The following DLGAP1 variants were observed in gnomAD, a reference collection of about 807,000 sequenced individuals.
The protein encoded by DLGAP1 is DLG associated protein 1, also known as disks large-associated protein 1.
A neutral mutation model predicts 90.8 loss-of-function variants in DLGAP1; 11 were observed. The observed-to-expected ratio is 0.12, with a 90% CI of 0.08 to 0.20. The LOEUF is 0.20. Ranked by LOEUF, DLGAP1 falls within the 10% of genes least tolerant of loss-of-function variation. DLGAP1 has a pLI of 1.00. For missense variants in DLGAP1, 1,050 were observed against 1,333.8 expected, an observed-to-expected ratio of 0.79 and a Z score of 3.31; for synonymous variants, 558 against 540.7, an observed-to-expected ratio of 1.03 and a Z score of -0.44.
rs143373608 is a variant in DLGAP1, at chr18:4,144,128, C to T, written c.-159+7052G>A. ...TGTGTCAGCTGGTGTCCGACTAGAT[C>T]GTGAGCACGCCAACCCCACTGGCTC... On this transcript the variant is annotated intron_variant, in intron 2 of 12. Transcript: ENST00000315677. Among the ~76,000 whole-genome samples the T allele has an allele frequency of 8.4e-4, 128 of 152,276 alleles. No individual in the cohort carries two copies. The South Asian group carries it at 0.018, about 21-fold the overall frequency.
chr18:3,867,932 G>A (rs191656866), intron 4 of DLGAP1, among the ~76,000 whole-genome samples: 69 of 152,156 alleles, frequency 4.5e-4, no homozygotes, highest in South Asian at 1.0e-3. Flanking sequence ...CAGTGATTGC[G>A]TAACTCAAAT....
At chr18:3,661,961 T>C (rs549132825) in intron 7 of DLGAP1, among the ~76,000 whole-genome samples, 1 of 152,212 alleles carries the variant, frequency 6.6e-6, no homozygotes, top group South Asian at 2.1e-4. Context: ...AAAAGGTAAC[T>C]CTATTAATGT....
At chr18:3,830,746 T>C (rs1438165893) in intron 4 of DLGAP1, among the ~76,000 whole-genome samples, 1 of 152,230 alleles carries the variant, frequency 6.6e-6, no homozygotes, top group Non-Finnish European at 1.5e-5. Context: ...CTGATCACAT[T>C]GTTTTAAAAC....
chr18:4,445,298 C>CTT (rs71160965), intron 1 of DLGAP1, among the ~76,000 whole-genome samples: 2,943 of 148,002 alleles, frequency 0.02, 47 homozygotes, highest in Non-Finnish European at 0.027. Context: ...TACCAATCAT[C>CTT]TTTTTTTTTT....
At chr18:3,859,509 A>T (rs903007481) in intron 4 of DLGAP1, among the ~76,000 whole-genome samples, 4 of 152,136 alleles carry the variant, frequency 2.6e-5, no homozygotes, top group Non-Finnish European at 5.9e-5. Context: ...TGGTCTTGAG[A>T]TGGGGAGATT....
chr18:4,359,303 C>A (rs1442550078), intron 1 of DLGAP1, among the ~76,000 whole-genome samples: 1 of 152,184 alleles, frequency 6.6e-6, no homozygotes, highest in Non-Finnish European at 1.5e-5. Flanking sequence ...ATTTTCTGAT[C>A]TTCCGCTGGA....
intron 1 of DLGAP1, among the ~76,000 whole-genome samples, chr18:4,266,730 G>T (rs1338636908): frequency 1.3e-5 from 2 of 152,180 alleles, no homozygotes; most frequent in Non-Finnish European, 2.9e-5. Flanking sequence ...GTAAATTTCA[G>T]ATGATTACAT....
intron 1 of DLGAP1, among the ~76,000 whole-genome samples, chr18:4,207,326 T>C (rs893943132): frequency 3.9e-5 from 6 of 152,066 alleles, no homozygotes; most frequent in African/African-American, 1.4e-4. Context: ...CCATTAGCTC[T>C]TGTGAGTACT....
intron 3 of DLGAP1, among the ~76,000 whole-genome samples, chr18:3,958,362 A>C (rs879865659): frequency 4.0e-5 from 6 of 151,594 alleles, no homozygotes; most frequent in Non-Finnish European, 7.4e-5. Context: ...TTATGTATGC[A>C]TGATAAGGAG....
At chr18:3,521,294 C>T (rs1448339367) in intron 10 of DLGAP1, among the ~76,000 whole-genome samples, 6 of 152,144 alleles carry the variant, frequency 3.9e-5, no homozygotes. Context: ...ATTAAGGGAA[C>T]TATAGGGTTT....
At chr18:4,366,997 T>C (rs1256779040) in intron 1 of DLGAP1, among the ~76,000 whole-genome samples, 2 of 91,434 alleles carry the variant, frequency 2.2e-5, no homozygotes, top group African/African-American at 8.8e-5. Context: ...TACGGCTCTG[T>C]CAATGGCAAA....
At chr18:4,341,312 T>TCG (rs2081183005) in intron 1 of DLGAP1, among the ~76,000 whole-genome samples, 1 of 152,020 alleles carries the variant, frequency 6.6e-6, no homozygotes, top group African/African-American at 2.4e-5. Flanking sequence ...AAAACAAAAA[T>TCG]CGCTTATGTA....
intron 2 of DLGAP1, among the ~76,000 whole-genome samples, chr18:4,023,673 C>G (rs1241669374): frequency 6.6e-6 from 1 of 152,082 alleles, no homozygotes; most frequent in Non-Finnish European, 1.5e-5. Flanking sequence ...TGTGTTCCCA[C>G]TCACCTTAAA....
At chr18:3,678,273 G>A (rs530290531) in intron 7 of DLGAP1, among the ~76,000 whole-genome samples, 2 of 152,122 alleles carry the variant, frequency 1.3e-5, no homozygotes, top group African/African-American at 4.8e-5. Context: ...ACTTGCTCTT[G>A]TTTTAACATA....
intron 10 of DLGAP1, among the ~76,000 whole-genome samples, chr18:3,520,985 G>A (rs1465592908): frequency 6.6e-6 from 1 of 152,126 alleles, no homozygotes; most frequent in Non-Finnish European, 1.5e-5. Context: ...TGCCTTCCCT[G>A]TGCTTGGTAG....
At chr18:4,433,307 C>T (rs901426723) in intron 1 of DLGAP1, among the ~76,000 whole-genome samples, 1 of 152,202 alleles carries the variant, frequency 6.6e-6, no homozygotes, top group Non-Finnish European at 1.5e-5. Flanking sequence ...AACATTTTCT[C>T]TTCCAGCTTA....
chr18:3,672,577 C>CAAAAAA (rs60316690), intron 7 of DLGAP1, among the ~76,000 whole-genome samples: 5 of 39,574 alleles, frequency 1.3e-4, no homozygotes, highest in Non-Finnish European at 2.2e-4. Flanking sequence ...AACTCTATCT[C>CAAAAAA]AAAAAAAAAA....
intron 1 of DLGAP1, among the ~76,000 whole-genome samples, chr18:4,407,063 A>C (rs999009568): frequency 1.3e-5 from 2 of 152,170 alleles, no homozygotes; most frequent in African/African-American, 4.8e-5. Context: ...GAACCATGAA[A>C]TCTATTTACT....
At chr18:3,600,360 A>G (rs1049688181) in intron 7 of DLGAP1, among the ~76,000 whole-genome samples, 3 of 151,744 alleles carry the variant, frequency 2.0e-5, no homozygotes, top group African/African-American at 4.8e-5. Flanking sequence ...GGTTCAAGCA[A>G]TTCTCCTGCC....
Sources: allele counts gnomAD v4.1 joint callset (sites outside exome capture counted in the v4.1 genomes callset), GRCh38; gene constraint gnomAD v4.1.1; transcripts MANE v1.5; gene names NCBI Gene and HGNC (gene_info 2026-07-23, HGNC 2026-07-21).